The following ARL10 variants were observed in gnomAD, a reference collection of about 807,000 sequenced individuals.
ARL10 encodes ARF like GTPase 10.
A neutral mutation model predicts 26.1 loss-of-function variants in ARL10; 23 were observed. The ratio of observed to expected loss-of-function variants is 0.88; its 90% CI spans 0.63 to 1.25. The LOEUF is 1.25. Ranked by LOEUF, ARL10 falls within the 50% of genes most tolerant of loss-of-function variation. ARL10 has a pLI of 0.00. For synonymous variants in ARL10, 138 were observed against 149.1 expected (o/e 0.93, Z 0.54); for missense variants, 300 against 323.6 (o/e 0.93, Z 0.56).
chr5:176,389,286 C>T (rs750600000), downstream of ARL10: 3 of 1,578,838 alleles, frequency 1.9e-6, no homozygotes, highest in Non-Finnish European at 1.7e-6. Context: ...GAATGACCTG[C>T]GGGGCCCGAC....
downstream of ARL10, chr5:176,392,783 C>T (rs1448962910): frequency 6.2e-7 from 1 of 1,614,108 alleles, no homozygotes; most frequent in Non-Finnish European, 8.5e-7. This position sits in a 1 kb window ranked among gnomAD's most constrained non-coding sequence, Gnocchi z 5.2. Flanking sequence ...CCTAGCGGGA[C>T]AGTGGCGTCT....
At chr5:176,401,856 G>A in exon 2 of ARL10, 1 of 443,588 alleles carries the variant, frequency 2.3e-6, no homozygotes, top group Non-Finnish European at 4.6e-6. Flanking sequence ...CATCAGCAGG[G>A]CCTGTCATCA....
At chr5:176,391,034 A>G (rs527333619), downstream of ARL10, among the ~76,000 whole-genome samples, 3 of 152,300 alleles carry the variant, frequency 2.0e-5, no homozygotes, top group Admixed American at 2.0e-4. Context: ...TGTTTTCAAC[A>G]CCAGCTTCAA....
In ARL10 at chr5:176,375,875, G is replaced by A. The variant is rs116694661; in HGVS notation, c.*3980G>A. The A allele has an allele frequency of 0.02, 3,062 of 152,316 alleles. 43 individuals are homozygous for A. The highest frequency in any genetic ancestry group is 0.068 in the Middle Eastern group (20 of 294). 9.4% of individuals were successfully genotyped at this position (152,316 alleles called of 1,614,324 possible). ...GATTTAACCCAGTGACATTATATAA[G>A]CAATCGCTTGGAGCCACATAGGTAG... On this transcript the variant is annotated 3_prime_UTR_variant, in exon 4 of 4. Transcript: ENST00000310389.
Position 176,375,208 on chromosome 5 carries a change from TCATCCAC to T in ARL10, c.*3315_*3321del, listed in dbSNP as rs1768658906. 3.5e-5 allele frequency: 1 copy of T among 28,360 alleles called. No homozygotes were observed. Among genetic ancestry groups the T allele is most frequent in the African/African-American group, 1.5e-4 (1 of 6,880 alleles). The allele number at this position is 28,360 out of a possible 1,614,324, so 1.8% of individuals were successfully genotyped here. A position where few individuals can be genotyped will look rare whatever the true frequency, so the allele number is the denominator to read the frequency against. The stretch of plus-strand genomic sequence containing the variant: ...TCCACCCATCCATCCATCCATCCAC[TCATCCAC>T]CCATCCACCCATCCATCCATCCATC... On this transcript the variant is annotated 3_prime_UTR_variant, in exon 4 of 4. Coordinates refer to ENST00000310389, the MANE Select transcript of ARL10 (RefSeq NM_173664.6).
chr5:176,395,775 A>G (rs1303856798), intron 1 of ARL10, among the ~76,000 whole-genome samples: 2 of 152,176 alleles, frequency 1.3e-5, no homozygotes, highest in Admixed American at 6.5e-5. Context: ...TGGATGTCAC[A>G]AAGGAGCAGC....
chr5:176,384,810 G>T (rs999690146), downstream of ARL10: 22 of 406,750 alleles, frequency 5.4e-5, no homozygotes, highest in Non-Finnish European at 7.9e-5. Context: ...AGCGGGCCAG[G>T]GAGGAGCTGG....
At chr5:176,385,074 C>T, downstream of ARL10, 1 of 667,174 alleles carries the variant, frequency 1.5e-6, no homozygotes, top group East Asian at 2.7e-5. Flanking sequence ...CAAGTTAGAT[C>T]CCTGTCAATG....
In ARL10 at chr5:176,366,474, T is replaced by G. The variant is rs1397329026; in HGVS notation, c.278T>G (p.Phe93Cys). The G allele has an allele frequency of 1.2e-6, 2 of 1,613,972 alleles. No homozygotes were observed. The highest frequency in any genetic ancestry group is 1.7e-6 in the Non-Finnish European group (2 of 1,180,016). ...CTGGATGGCGCAGGCAAGAGCACGT[T>G]CCTGCGCGTGTTGTCGGGGAAGCCA... ...LGLDGAGKSTFLRVLSGKPPL... is the reference protein window; with the variant it reads ...LGLDGAGKSTCLRVLSGKPPL... Residue 93 changes from phenylalanine (F) to cysteine (C), a missense_variant, in exon 2 of 4, where the codon TTC becomes TGC. Physicochemically the swap from Phe to Cys is radical, Grantham distance 205. Transcript: ENST00000310389.
chr5:176,370,258 C>G (rs2113550227), intron 3 of ARL10, among the ~76,000 whole-genome samples: 1 of 152,316 alleles, frequency 6.6e-6, no homozygotes, highest in South Asian at 2.1e-4. Context: ...AACTTGAACT[C>G]AGATATTCTT....
intron 1 of ARL10, chr5:176,396,428 TG>T: frequency 6.8e-7 from 1 of 1,463,454 alleles, no homozygotes; most frequent in Non-Finnish European, 9.6e-7. Context: ...GAAACTGTGG[TG>T]GCCATTCCCT....
chr5:176,369,348 T>A, intron 3 of ARL10: 1 of 590,602 alleles, frequency 1.7e-6, no homozygotes, highest in East Asian at 6.5e-5. Context: ...TTCTTGTGCC[T>A]CAGCCTTCCG....
In ARL10 at chr5:176,366,369, C is replaced by T. The variant is rs1171003090; in HGVS notation, c.184-11C>T. 1 of 1,602,284 alleles carries T rather than the reference C, an allele frequency of 6.2e-7. No homozygotes were observed. On this transcript the variant is annotated splice_polypyrimidine_tract_variant and intron_variant, in intron 1 of 3. Transcript: ENST00000310389. ...GCCGCCAGCCGCAACCTTACCTCCGCTTCCCCGCAGCCCGAGGACGAGGAG... is the reference window on the plus strand; with the variant it reads ...GCCGCCAGCCGCAACCTTACCTCCGTTTCCCCGCAGCCCGAGGACGAGGAG...
chr5:176,382,852 CT>C (rs754159077), downstream of ARL10, among the ~76,000 whole-genome samples: 9 of 152,176 alleles, frequency 5.9e-5, no homozygotes, highest in Non-Finnish European at 1.3e-4. Flanking sequence ...AAGACACATG[CT>C]AAGGGGCCAC....
At chr5:176,386,922 G>A in intron 1 of ARL10, 1 of 1,612,624 alleles carries the variant, frequency 6.2e-7, no homozygotes, top group Non-Finnish European at 8.5e-7. Context: ...GCAGAGAACA[G>A]AGCCCTTGAG....
downstream of ARL10, among the ~76,000 whole-genome samples, chr5:176,405,287 G>A (rs867498729): frequency 1.3e-5 from 2 of 152,050 alleles, no homozygotes; most frequent in African/African-American, 4.8e-5. Context: ...CCAGGAGCTC[G>A]AGACCAGCCT....
At chr5:176,384,585 CAGGCCACCCT>C, downstream of ARL10, 1 of 580,336 alleles carries the variant, frequency 1.7e-6, no homozygotes, top group Non-Finnish European at 3.0e-6. Context: ...CCAGGAGTTC[CAGGCCACCCT>C]GGGCAACCCA....
At chr5:176,403,965 G>A (rs145792936), downstream of ARL10, among the ~76,000 whole-genome samples, 537 of 151,210 alleles carry the variant, frequency 3.6e-3, 3 homozygotes, top group African/African-American at 0.012. Flanking sequence ...TCATCATGTT[G>A]TCCAGGCTGG....
intron 2 of ARL10, among the ~76,000 whole-genome samples, chr5:176,366,954 G>T (rs1348890449): frequency 6.6e-6 from 1 of 150,868 alleles, no homozygotes; most frequent in Admixed American, 6.6e-5. Context: ...AGAGGAAAAT[G>T]AGTTCCAGCA....
Sources: allele counts gnomAD v4.1 joint callset (sites outside exome capture counted in the v4.1 genomes callset), GRCh38; gene constraint gnomAD v4.1.1; non-coding constraint Gnocchi (gnomAD v3.1); transcripts MANE v1.5; gene names NCBI Gene and HGNC (gene_info 2026-07-23, HGNC 2026-07-21).